MTFR1L: variants seen among roughly 807,000 people sequenced by gnomAD.
The protein encoded by MTFR1L is mitochondrial fission regulator 1-like.
A neutral mutation model predicts 27.9 loss-of-function variants in MTFR1L; 10 were observed. The ratio of observed to expected loss-of-function variants is 0.36; its 90% CI spans 0.22 to 0.61. The LOEUF is 0.61. MTFR1L is among the 20% of genes least tolerant of loss of function. The pLI is 0.73. For synonymous variants in MTFR1L, 151 were observed against 139.4 expected (o/e 1.08, Z -0.58); for missense variants, 315 against 363.7 (o/e 0.87, Z 1.09).
chr1:25,823,197 A>G (rs1195790423), intron 2 of MTFR1L, 69 bp downstream of exon 2: 3 of 1,469,066 alleles, frequency 2.0e-6, no homozygotes, highest in Non-Finnish European at 2.9e-6. Context: ...AAGTACTGTA[A>G]AAGGTTCTGA....
At chr1:25,823,816 G>A (rs2048132436) in intron 3 of MTFR1L, 68 bp downstream of exon 3, 40 of 1,558,514 alleles carry the variant, frequency 2.6e-5, no homozygotes, top group Non-Finnish European at 3.3e-5. Context: ...CAAACCCCTT[G>A]GTACTGCCCA....
chr1:25,831,990 T>G lies in MTFR1L; in HGVS notation c.843T>G (p.Ala281=), dbSNP rs2048249369. The change falls in exon 7 of 7, where the codon GCT becomes GCG. Residue 281 remains alanine (A), a synonymous_variant. Coordinates refer to ENST00000374303, the MANE Select transcript of MTFR1L (RefSeq NM_001099625.2). The stretch of plus-strand genomic sequence containing the variant: ...CTGAGGTCCTAAGGAGGAAGTTTGC[T>G]CTAAAGGAAGAAGATATCAGTAGAA... ...LISEVLRRKF[A]LKEEDISRKG... The G allele has an allele frequency of 1.2e-6, 2 of 1,614,212 alleles. No homozygotes were observed. Among genetic ancestry groups the G allele is most frequent in the African/African-American group, 1.3e-5 (1 of 75,050 alleles).
At chr1:25,823,976 G>A (rs1039059885) in intron 3 of MTFR1L, among the ~76,000 whole-genome samples, 3 of 152,198 alleles carry the variant, frequency 2.0e-5, no homozygotes, top group Admixed American at 1.3e-4. Flanking sequence ...ACTGACTATT[G>A]TGATTTTTGA....
At position 25,826,988 on chromosome 1, in the gene MTFR1L, GA is replaced by G. The variant is rs1480120702; in HGVS notation, c.451+163del. On this transcript the variant is annotated intron_variant, in intron 5 of 6. Coordinates refer to ENST00000374303, the MANE Select transcript of MTFR1L (RefSeq NM_001099625.2). The surrounding 1 kb of genome is among the most constrained non-coding windows in gnomAD (Gnocchi z 4.1). ...CCTGGCTAGCCAGTAGTGCCTCTTAGATGGTTTCTACCAGCCATTTTGGGCT... is the reference window on the plus strand; with the variant it reads ...CCTGGCTAGCCAGTAGTGCCTCTTAGTGGTTTCTACCAGCCATTTTGGGCT... Among the ~76,000 whole-genome samples the G allele has an allele frequency of 3.3e-5, 5 of 152,174 alleles. No homozygotes were observed. The highest frequency in any genetic ancestry group is 1.2e-4 in the African/African-American group (5 of 41,442).
intron 5 of MTFR1L, 140 bp from the exon 6 acceptor site, chr1:25,829,369 C>A: frequency 1.3e-6 from 1 of 762,738 alleles, no homozygotes; most frequent in Non-Finnish European, 2.2e-6. Context: ...CCACTGGCTA[C>A]AGATACCATC....
In MTFR1L at chr1:25,829,778, G is replaced by C. The variant is rs1407678547; in HGVS notation, c.721G>C (p.Asp241His). 6.2e-7 allele frequency: 1 copy of C among 1,609,862 alleles called. No individual in the cohort carries two copies. Among genetic ancestry groups the C allele is most frequent in the Admixed American group, 1.7e-5 (1 of 60,030 alleles). Residue 241 changes from aspartate to histidine, a missense_variant, in exon 6 of 7, where the codon GAC (aspartate) becomes CAC (histidine). Transcript: ENST00000374303. The part of the protein sequence containing the change: ...VSLSKASSFA[D>H]MMGILKDFHR... ...TTTGTCCAAGGCCAGCAGCTTTGCAGACATGATGGGTATCCTGAAGGACTT... is the reference window on the plus strand; with the variant it reads ...TTTGTCCAAGGCCAGCAGCTTTGCACACATGATGGGTATCCTGAAGGACTT...
Position 25,826,360 on chromosome 1 carries a change from C to T in MTFR1L, c.188C>T (p.Ala63Val). 1 of 1,614,222 alleles carries T rather than the reference C, an allele frequency of 6.2e-7. No individual in the cohort carries two copies. The highest frequency in any genetic ancestry group is 8.5e-7 in the Non-Finnish European group (1 of 1,180,044). Residue 63 changes from alanine to valine, a missense_variant, in exon 4 of 7, where the codon GCT becomes GTT. Coordinates refer to ENST00000374303, the MANE Select transcript of MTFR1L (RefSeq NM_001099625.2). The surrounding 1 kb of genome is among the most constrained non-coding windows in gnomAD (Gnocchi z 4.1). Reference sequence around the variant, plus strand: ...GATGTGCCCCCAGTCCCTACCCTGGCTGACATCGCCTGGATTGCTGCGGAT... The same window carrying T: ...GATGTGCCCCCAGTCCCTACCCTGGTTGACATCGCCTGGATTGCTGCGGAT... The part of the protein sequence containing the change: ...LRDVPPVPTL[A>V]DIAWIAADEE...
chr1:25,829,741 T>C lies in MTFR1L; in HGVS notation c.684T>C (p.Asp228=), dbSNP rs750951808. Residue 228 remains aspartate, a synonymous_variant, in exon 6 of 7, where the codon GAT becomes GAC. Transcript: ENST00000374303. ...CTGCCTGCAGTTCGTCTGAAGAGGA[T>C]GACTGCGTCTCTTTGTCCAAGGCCA... The part of the protein sequence containing the change: ...HKAACSSSEE[D]DCVSLSKASS... 1.9e-5 allele frequency: 31 copies of C among 1,613,622 alleles called. 1 individual carries two copies. The highest frequency in any genetic ancestry group is 3.3e-4 in the Middle Eastern group (2 of 6,062).
At chr1:25,820,663 A>T (rs1337667173) in intron 1 of MTFR1L, 1 of 428,434 alleles carries the variant, frequency 2.3e-6, no homozygotes, top group Non-Finnish European at 4.6e-6. Context: ...CGCAGAGGTG[A>T]CAAGACCCAC....
Position 25,829,567 on chromosome 1 carries a change from C to T in MTFR1L, c.510C>T (p.Pro170=), listed in dbSNP as rs1248757297. 1 of 1,614,096 alleles carries T rather than the reference C, an allele frequency of 6.2e-7. No homozygotes were observed. Among genetic ancestry groups the T allele is most frequent in the Non-Finnish European group, 8.5e-7 (1 of 1,180,050 alleles). ...CAGGAAGTTCAAATGTCTCTTCTCC[C>T]TTACCTTGTTTTGGATCCTCATTCC... The part of the protein sequence containing the change: ...LSPGSSNVSS[P]LPCFGSSFHS... The change falls in exon 6 of 7, where the codon CCC becomes CCT. Residue 170 remains proline, a synonymous_variant. Coordinates refer to ENST00000374303, the MANE Select transcript of MTFR1L (RefSeq NM_001099625.2).
intron 5 of MTFR1L, among the ~76,000 whole-genome samples, chr1:25,828,206 T>A (rs76695128): frequency 0.026 from 3,972 of 152,306 alleles, 170 homozygotes; most frequent in African/African-American, 0.09. Flanking sequence ...GGGAGTTTCA[T>A]GACATTATGT....
At chr1:25,831,070 C>T (rs1193145858) in intron 6 of MTFR1L, among the ~76,000 whole-genome samples, 1 of 152,178 alleles carries the variant, frequency 6.6e-6, no homozygotes, top group East Asian at 1.9e-4. Context: ...CTAGCCCCCT[C>T]CTCCCACTTG....
Position 25,831,935 on chromosome 1 carries a change from T to C in MTFR1L, c.788T>C (p.Leu263Ser). The C allele has an allele frequency of 1.2e-6, 2 of 1,614,160 alleles. No homozygotes were observed. Among genetic ancestry groups the C allele is most frequent in the Non-Finnish European group, 1.7e-6 (2 of 1,179,998 alleles). The stretch of plus-strand genomic sequence containing the variant: ...TGTGTCTCTAGGAACCGGAGTTTAT[T>C]GAAGGAGGAAGACCCTGCTGTGCTT... ...KQSQDLNRSL[L>S]KEEDPAVLIS... Residue 263 changes from leucine to serine, a missense_variant, in exon 7 of 7, where the codon TTG becomes TCG. Transcript: ENST00000374303.
chr1:25,826,300 A>T lies in MTFR1L; in HGVS notation c.130-2A>T, dbSNP rs1468451786. ...ATGTTGATGACTTTTGCTTCTCCAT[A>T]GACCCTGCCCAACATCTCTGACCTG... On this transcript the variant is annotated splice_acceptor_variant, in intron 3 of 6. Coordinates refer to ENST00000374303, the MANE Select transcript of MTFR1L (RefSeq NM_001099625.2). LOFTEE classifies it high-confidence loss of function. This position sits in a 1 kb window ranked among gnomAD's most constrained non-coding sequence, Gnocchi z 4.1. 2 of 1,612,366 alleles carry T rather than the reference A, an allele frequency of 1.2e-6. No individual in the cohort carries two copies. Among genetic ancestry groups the T allele is most frequent in the Admixed American group, 3.3e-5 (2 of 60,018 alleles).
intron 6 of MTFR1L, among the ~76,000 whole-genome samples, chr1:25,830,805 A>C (rs2048229086): frequency 6.6e-6 from 1 of 152,202 alleles, no homozygotes; most frequent in African/African-American, 2.4e-5. Context: ...AAAGTAGACC[A>C]GGCTAAGTGA....
Position 25,832,831 on chromosome 1 carries a change from A to T in MTFR1L, c.*805A>T, listed in dbSNP as rs1044518. The T allele has an allele frequency of 6.5e-6, 1 of 154,240 alleles. No homozygotes were observed. The highest frequency in any genetic ancestry group is 1.4e-5 in the Non-Finnish European group (1 of 69,168). 9.6% of individuals were successfully genotyped at this position (154,240 alleles called of 1,614,324 possible). A position where few individuals can be genotyped will look rare whatever the true frequency, so the allele number is the denominator to read the frequency against. On this transcript the variant is annotated 3_prime_UTR_variant, in exon 7 of 7. Transcript: ENST00000374303. ...CTGGGCCAAGGTTTGTATGTACCACACCATGCATGACTCAGATGCCCTCAG... is the reference window on the plus strand; with the variant it reads ...CTGGGCCAAGGTTTGTATGTACCACTCCATGCATGACTCAGATGCCCTCAG...
chr1:25,826,775 G>A lies in MTFR1L; in HGVS notation c.400G>A (p.Glu134Lys), dbSNP rs1340028673. 13 of 1,614,102 alleles carry A rather than the reference G, an allele frequency of 8.1e-6. No homozygotes were observed. Among genetic ancestry groups the A allele is most frequent in the Non-Finnish European group, 1.1e-5 (13 of 1,180,044 alleles). ...AAGCCGCACTACTGAGCTGCAGGAC[G>A]AGCTGAGCCACTTGCGCAGCCAGAT... ...ALSRTTELQD[E>K]LSHLRSQIAK... The change falls in exon 5 of 7, where the codon GAG (glutamate) becomes AAG (lysine). Residue 134 changes from glutamate (E) to lysine (K), a missense_variant. By Grantham distance (56) the Glu-to-Lys change is moderately conservative. Transcript: ENST00000374303. This position sits in a 1 kb window ranked among gnomAD's most constrained non-coding sequence, Gnocchi z 4.1.
intron 5 of MTFR1L, among the ~76,000 whole-genome samples, chr1:25,827,830 G>T (rs1262720024): frequency 6.6e-6 from 1 of 151,772 alleles, no homozygotes; most frequent in African/African-American, 2.4e-5. Context: ...GGTTCAAGCA[G>T]TTCTCGTGCC....
Position 25,823,908 on chromosome 1 carries a change from T to C in MTFR1L, c.129+160T>C, listed in dbSNP as rs545616320. Among the ~76,000 whole-genome samples the C allele has an allele frequency of 2.6e-5, 4 of 152,330 alleles. No individual in the cohort carries two copies. In the South Asian group the frequency reaches 6.2e-4, roughly 24 times the overall value. On this transcript the variant is annotated intron_variant, in intron 3 of 6. Coordinates refer to ENST00000374303, the MANE Select transcript of MTFR1L (RefSeq NM_001099625.2). ...ATAAGATATCCTGGTCACTGTGTCC[T>C]CCTGAGTGCATACAAACCTGTGACC...
Sources: allele counts gnomAD v4.1 joint callset (sites outside exome capture counted in the v4.1 genomes callset), GRCh38; gene constraint gnomAD v4.1.1; non-coding constraint Gnocchi (gnomAD v3.1); transcripts MANE v1.5; gene names NCBI Gene and HGNC (gene_info 2026-07-23, HGNC 2026-07-21).